MAPKAP1: variants seen among roughly 807,000 people sequenced by gnomAD.
MAPKAP1 encodes MAPK associated protein 1.
In MAPKAP1, 20 loss-of-function variants were observed where a neutral mutation model predicts 65.7. The ratio of observed to expected loss-of-function variants is 0.30; its 90% CI spans 0.21 to 0.44. MAPKAP1 has a LOEUF of 0.44. Ranked by LOEUF, MAPKAP1 falls within the 20% of genes least tolerant of loss-of-function variation. The pLI is 1.00. For missense variants in MAPKAP1, 423 were observed against 648.0 expected (o/e 0.65, Z 3.77); for synonymous variants, 222 against 244.3 (o/e 0.91, Z 0.85).
chr9:125,602,562 T>C (rs950887035), intron 4 of MAPKAP1, among the ~76,000 whole-genome samples: 1 of 151,850 alleles, frequency 6.6e-6, no homozygotes, highest in Non-Finnish European at 1.5e-5. Flanking sequence ...AAAGTAAAAG[T>C]AGCCAGCTAC....
At chr9:125,571,988 T>C (rs1246612113) in intron 5 of MAPKAP1, among the ~76,000 whole-genome samples, 3 of 152,236 alleles carry the variant, frequency 2.0e-5, no homozygotes, top group African/African-American at 7.2e-5. Flanking sequence ...GTAAACAAAA[T>C]TTGGAGCATA....
intron 1 of MAPKAP1, among the ~76,000 whole-genome samples, chr9:125,693,187 C>T (rs772416686): frequency 1.3e-5 from 2 of 151,796 alleles, no homozygotes; most frequent in African/African-American, 4.8e-5. Flanking sequence ...CCGAGGCAGG[C>T]GGATCACCTG....
intron 4 of MAPKAP1, among the ~76,000 whole-genome samples, chr9:125,643,209 T>TG (rs1225270885): frequency 2.6e-4 from 39 of 150,718 alleles, no homozygotes; most frequent in Admixed American, 6.6e-4. Context: ...GTTTTTTTTT[T>TG]GGGGGGAGGG....
intron 1 of MAPKAP1, among the ~76,000 whole-genome samples, chr9:125,684,388 C>A (rs1364253094): frequency 1.3e-5 from 2 of 152,116 alleles, no homozygotes; most frequent in Admixed American, 6.5e-5. Context: ...CACAAGGCAG[C>A]ATCCACAACA....
At chr9:125,501,657 A>C (rs1828985795) in intron 8 of MAPKAP1, among the ~76,000 whole-genome samples, 2 of 152,040 alleles carry the variant, frequency 1.3e-5, no homozygotes, top group Admixed American at 6.5e-5. Context: ...TCTTTGTAGG[A>C]AGGTTCCTAA....
chr9:125,608,314 T>G (rs1386184325), intron 4 of MAPKAP1, among the ~76,000 whole-genome samples: 3 of 152,210 alleles, frequency 2.0e-5, no homozygotes, highest in African/African-American at 7.2e-5. Flanking sequence ...TTATTTATGT[T>G]CACATCTCTT....
chr9:125,484,508 T>A lies in MAPKAP1; in HGVS notation c.1142A>T (p.His381Leu). The change falls in exon 9 of 12, where the codon CAC (histidine) becomes CTC (leucine). Residue 381 changes from histidine to leucine, a missense_variant. By Grantham distance (99) the His-to-Leu change is moderately conservative. Around this residue, in one of 6 missense-constraint regions of MAPKAP1, gnomAD observed 185 missense variants for 268.1 expected, o/e 0.69. Transcript: ENST00000265960. ...GCTGACTTTGAATGACTTGTAATGGTGGCTGCTAAGCATATCCTGTACTGT... is the reference window on the plus strand; with the variant it reads ...GCTGACTTTGAATGACTTGTAATGGAGGCTGCTAAGCATATCCTGTACTGT... The part of the protein sequence containing the change: ...IATVQDMLSS[H>L]HYKSFKVSMI... 1 of 1,613,454 alleles carries A rather than the reference T, an allele frequency of 6.2e-7. No homozygotes were observed. Among genetic ancestry groups the A allele is most frequent in the Non-Finnish European group, 8.5e-7 (1 of 1,179,716 alleles).
At chr9:125,525,568 G>A (rs1829738208) in intron 7 of MAPKAP1, among the ~76,000 whole-genome samples, 1 of 152,190 alleles carries the variant, frequency 6.6e-6, no homozygotes, top group Non-Finnish European at 1.5e-5. Context: ...AGCTACTTGG[G>A]AGGCTGAGGC....
intron 1 of MAPKAP1, among the ~76,000 whole-genome samples, chr9:125,686,286 C>T (rs549935924): frequency 2.7e-4 from 37 of 138,914 alleles, no homozygotes; most frequent in Non-Finnish European, 4.9e-4. Context: ...CACTCCAGCC[C>T]GGGCAAAAGA....
intron 8 of MAPKAP1, among the ~76,000 whole-genome samples, chr9:125,496,410 C>A (rs1023841176): frequency 6.6e-6 from 1 of 152,162 alleles, no homozygotes; most frequent in Non-Finnish European, 1.5e-5. Flanking sequence ...ATATGTAAAA[C>A]GAACATCACA....
intron 1 of MAPKAP1, among the ~76,000 whole-genome samples, chr9:125,699,606 A>G (rs1373273163): frequency 6.6e-6 from 1 of 151,804 alleles, no homozygotes; most frequent in East Asian, 1.9e-4. Flanking sequence ...CAGTTCGAAA[A>G]GTTTTGAATT....
intron 5 of MAPKAP1, among the ~76,000 whole-genome samples, chr9:125,574,522 TG>T (rs1831332914): frequency 6.6e-6 from 1 of 152,134 alleles, no homozygotes; most frequent in Non-Finnish European, 1.5e-5. Flanking sequence ...AAGACACAGG[TG>T]GGCATGCAGA....
intron 3 of MAPKAP1, among the ~76,000 whole-genome samples, chr9:125,664,150 C>A (rs1286768815): frequency 6.6e-6 from 1 of 151,802 alleles, no homozygotes; most frequent in Non-Finnish European, 1.5e-5. Context: ...AGTTCGAGAC[C>A]AGCCTGGCCA....
intron 5 of MAPKAP1, among the ~76,000 whole-genome samples, chr9:125,573,335 T>C (rs1334508494): frequency 6.6e-6 from 1 of 151,936 alleles, no homozygotes; most frequent in African/African-American, 2.4e-5. Context: ...GCAACAAGAG[T>C]GACCTCTGGT....
intron 9 of MAPKAP1, among the ~76,000 whole-genome samples, chr9:125,475,970 T>C (rs1467727049): frequency 6.6e-6 from 1 of 152,228 alleles, no homozygotes; most frequent in Non-Finnish European, 1.5e-5. Flanking sequence ...CTCCCATTAA[T>C]TCCATCATGC....
rs778597686 is a variant in MAPKAP1, at chr9:125,669,825, C to T, written c.342G>A (p.Lys114=). 19 of 1,530,608 alleles carry T rather than the reference C, an allele frequency of 1.2e-5. No homozygotes were observed. The highest frequency in any genetic ancestry group is 1.7e-5 in the Non-Finnish European group (19 of 1,115,012). The allele number at this position is 1,530,608 out of a possible 1,614,324, so 94.8% of individuals were successfully genotyped here. A position where few individuals can be genotyped will look rare whatever the true frequency, so the allele number is the denominator to read the frequency against. ...KNIQWKERNS[K]QSAQELKSLF... ...AAAATCATTTCCATTTACCTGATTG[C>T]TTAGAATTTCTTTCTTTCCACTGAA... The change falls in exon 3 of 12, where the codon AAG becomes AAA. Residue 114 remains lysine, a synonymous_variant. Transcript: ENST00000265960.
At chr9:125,481,030 C>G (rs1427679973) in intron 9 of MAPKAP1, among the ~76,000 whole-genome samples, 3 of 144,038 alleles carry the variant, frequency 2.1e-5, no homozygotes, top group Non-Finnish European at 3.0e-5. Flanking sequence ...CAGACACTTT[C>G]ATAGAATGTT....
chr9:125,467,317 A>T (rs1401806688), intron 10 of MAPKAP1, among the ~76,000 whole-genome samples: 2 of 152,224 alleles, frequency 1.3e-5, no homozygotes, highest in African/African-American at 2.4e-5. Context: ...TTAAGTGATT[A>T]ATCTAAATGC....
intron 1 of MAPKAP1, among the ~76,000 whole-genome samples, chr9:125,705,970 G>T (rs1024576855): frequency 6.6e-6 from 1 of 152,178 alleles, no homozygotes; most frequent in Admixed American, 6.5e-5. Context: ...GAGATGTAAG[G>T]GGGTGTAAGT....
Sources: allele counts gnomAD v4.1 joint callset (sites outside exome capture counted in the v4.1 genomes callset), GRCh38; gene constraint gnomAD v4.1.1; regional missense constraint gnomAD v4.1.1; transcripts MANE v1.5; gene names NCBI Gene and HGNC (gene_info 2026-07-23, HGNC 2026-07-21).